The following CEP128 variants were observed in gnomAD, a reference collection of about 807,000 sequenced individuals.
CEP128 encodes the protein centrosomal protein 128.
Under a neutral mutation model 156.7 loss-of-function variants are expected in CEP128, and 132 were observed. That is an observed-to-expected ratio of 0.84 (90% CI 0.73 to 0.97). The LOEUF is 0.97. Among genes scored for constraint, CEP128 ranks in the 50% least tolerant of loss-of-function variants. CEP128 has a pLI of 0.00. For missense variants in CEP128, 1,252 were observed against 1,281.9 expected (o/e 0.98, Z 0.36); for synonymous variants, 469 against 448.9 (o/e 1.04, Z -0.57).
intron 19 of CEP128, among the ~76,000 whole-genome samples, chr14:80,697,910 T>C (rs1026733987): frequency 6.6e-6 from 1 of 151,944 alleles, no homozygotes; most frequent in Non-Finnish European, 1.5e-5. Flanking sequence ...CACATATATA[T>C]AGATACATAT....
chr14:80,601,353 G>A (rs1259763856), intron 19 of CEP128, among the ~76,000 whole-genome samples: 1 of 152,108 alleles, frequency 6.6e-6, no homozygotes, highest in Non-Finnish European at 1.5e-5. Flanking sequence ...GAACAGGGGT[G>A]TCCAATCTTT....
chr14:80,744,819 C>T (rs898690399), intron 18 of CEP128, among the ~76,000 whole-genome samples: 11 of 152,148 alleles, frequency 7.2e-5, no homozygotes, highest in Admixed American at 1.3e-4. Context: ...GAATCCCTTG[C>T]TCCCCCAATG....
At chr14:80,900,453 G>GT (rs973403187) in intron 6 of CEP128, among the ~76,000 whole-genome samples, 10 of 152,216 alleles carry the variant, frequency 6.6e-5, no homozygotes, top group African/African-American at 2.4e-4. Context: ...TAGTGCAAAA[G>GT]TAACTGTAAA....
intron 3 of CEP128, 67 bp from the exon 4 acceptor site, chr14:80,914,475 T>C (rs937320744): frequency 5.2e-6 from 6 of 1,162,540 alleles, no homozygotes; most frequent in Non-Finnish European, 7.7e-6. Context: ...ATCTTAGTAG[T>C]ATGTCAATCA....
chr14:80,905,047 C>T (rs1381341584), intron 5 of CEP128, 116 bp from the exon 6 acceptor site: 3 of 639,698 alleles, frequency 4.7e-6, no homozygotes, highest in Non-Finnish European at 8.5e-6. Context: ...ATGTCCCTAA[C>T]CCAGACTATT....
At chr14:80,530,703 T>G in intron 22 of CEP128, 106 bp downstream of exon 22, 1 of 654,076 alleles carries the variant, frequency 1.5e-6, no homozygotes, top group South Asian at 3.0e-5. Context: ...TTCCCAATGT[T>G]TTTTGGTCCT....
At chr14:80,866,803 G>C (rs1887788390) in intron 8 of CEP128, among the ~76,000 whole-genome samples, 1 of 152,076 alleles carries the variant, frequency 6.6e-6, no homozygotes, top group Admixed American at 6.5e-5. Context: ...TCTTCAAACT[G>C]CCTAACAAAG....
chr14:80,726,101 T>C (rs1898010177), intron 19 of CEP128, among the ~76,000 whole-genome samples: 1 of 152,142 alleles, frequency 6.6e-6, no homozygotes, highest in African/African-American at 2.4e-5. Context: ...CTTGTTACCT[T>C]CTCTTGTGGT....
chr14:80,747,330 T>C (rs1899152768), intron 18 of CEP128, among the ~76,000 whole-genome samples: 1 of 152,060 alleles, frequency 6.6e-6, no homozygotes, highest in East Asian at 1.9e-4. Context: ...ACTGAAACAA[T>C]CCAAATTTCC....
intron 19 of CEP128, among the ~76,000 whole-genome samples, chr14:80,602,815 A>G (rs1222218765): frequency 6.6e-6 from 1 of 152,094 alleles, no homozygotes; most frequent in East Asian, 1.9e-4. Context: ...GAATGAAATT[A>G]TACAAAGTAT....
At chr14:80,559,191 G>C (rs1890564481) in intron 21 of CEP128, 88 bp downstream of exon 21, 3 of 1,170,576 alleles carry the variant, frequency 2.6e-6, no homozygotes, top group Admixed American at 4.3e-5. Context: ...AATGATTTCT[G>C]AAACTGTTTC....
At chr14:80,777,821 T>G in intron 16 of CEP128, 61 bp downstream of exon 16, 1 of 1,271,248 alleles carries the variant, frequency 7.9e-7, no homozygotes, top group Non-Finnish European at 1.1e-6. Flanking sequence ...TATAAAATAT[T>G]TTCTAGAGGA....
chr14:80,891,231 A>T (rs1889082659), intron 8 of CEP128, among the ~76,000 whole-genome samples: 1 of 152,156 alleles, frequency 6.6e-6, no homozygotes, highest in Non-Finnish European at 1.5e-5. Context: ...GGAAGTCAGC[A>T]TATTAAAAAT....
intron 19 of CEP128, among the ~76,000 whole-genome samples, chr14:80,649,902 C>A (rs780033932): frequency 6.6e-6 from 1 of 151,982 alleles, no homozygotes; most frequent in Non-Finnish European, 1.5e-5. Flanking sequence ...TATGTGGGCT[C>A]CTTTATGATT....
chr14:80,669,806 T>C (rs529428914), intron 19 of CEP128, among the ~76,000 whole-genome samples: 1 of 152,234 alleles, frequency 6.6e-6, no homozygotes, highest in South Asian at 2.1e-4. Context: ...TGAGTAGGTA[T>C]CTATCTGTAT....
chr14:80,875,945 TAACAA>T (rs372343218), intron 8 of CEP128, among the ~76,000 whole-genome samples: 37 of 152,008 alleles, frequency 2.4e-4, no homozygotes, highest in African/African-American at 7.5e-4. Flanking sequence ...CAAAATTAAA[TAACAA>T]AATAGCATAA....
At position 80,497,562 on chromosome 14, in the gene CEP128, C is replaced by G. The variant is rs760305607; in HGVS notation, c.3202G>C (p.Ala1068Pro). ...TCCTTGTTTGAAGCTGAATCTGGAG[C>G]AACAGTTCTTTTGGTAAATGCTGGC... is the stretch of plus-strand genomic sequence containing the variant. ...YVNSFTKRTV[A>P]PDSASNKEDA... Residue 1068 changes from alanine (A) to proline (P), a missense_variant, in exon 25 of 25, where the codon GCT becomes CCT. Coordinates refer to ENST00000555265, the MANE Select transcript of CEP128 (RefSeq NM_152446.5). The G allele has an allele frequency of 3.7e-6, 6 of 1,612,346 alleles. No homozygotes were observed. Among genetic ancestry groups the G allele is most frequent in the Non-Finnish European group, 4.2e-6 (5 of 1,179,056 alleles).
chr14:80,831,323 G>A, intron 12 of CEP128, 29 bp from the exon 13 acceptor site: 1 of 1,610,002 alleles, frequency 6.2e-7, no homozygotes, highest in Non-Finnish European at 8.5e-7. Flanking sequence ...AGGCTCAAGG[G>A]TTGTTCTTTA....
At chr14:80,641,886 G>T (rs1176813677) in intron 19 of CEP128, among the ~76,000 whole-genome samples, 1 of 151,866 alleles carries the variant, frequency 6.6e-6, no homozygotes, top group African/African-American at 2.4e-5. Context: ...TCAGGAGATC[G>T]AGACCATCCT....
Sources: gnomAD v4.1 joint callset for allele counts (sites outside exome capture counted in the v4.1 genomes callset) on GRCh38, gnomAD v4.1.1 for gene constraint, MANE v1.5 for transcripts, NCBI Gene and HGNC (gene_info 2026-07-23, HGNC 2026-07-21) for gene names.